The following KCNH7 variants were observed in gnomAD, a reference collection of about 807,000 sequenced individuals.
KCNH7 encodes the protein voltage-gated inwardly rectifying potassium channel KCNH7.
In KCNH7, 49 loss-of-function variants were observed where a neutral mutation model predicts 120.8. The observed-to-expected ratio is 0.41, with a 90% CI of 0.32 to 0.51. The LOEUF (loss-of-function observed/expected upper bound fraction) is 0.51, where lower values mean the gene tolerates loss of function less well. KCNH7 is among the 20% of genes least tolerant of loss of function. The pLI is 0.38. For missense variants in KCNH7, 1,097 were observed against 1,446.6 expected (o/e 0.76, Z 3.92); for synonymous variants, 547 against 516.1 (o/e 1.06, Z -0.81).
chr2:162,629,240 G>A (rs537307790), intron 2 of KCNH7, among the ~76,000 whole-genome samples: 1 of 152,222 alleles, frequency 6.6e-6, no homozygotes, highest in South Asian at 2.1e-4. Flanking sequence ...TGGCATAGCA[G>A]ACTATGATTG....
At chr2:162,630,089 T>C (rs1046919295) in intron 2 of KCNH7, among the ~76,000 whole-genome samples, 1 of 152,006 alleles carries the variant, frequency 6.6e-6, no homozygotes, top group Non-Finnish European at 1.5e-5. Flanking sequence ...TCCATGGAAT[T>C]AAGGCAATCA....
chr2:162,377,980 A>G (rs988594239), intron 14 of KCNH7, among the ~76,000 whole-genome samples: 23 of 152,184 alleles, frequency 1.5e-4, no homozygotes, highest in Admixed American at 4.6e-4. Context: ...GCAATCATTG[A>G]CTTATCCTAG....
At chr2:162,648,599 T>A (rs975787099) in intron 2 of KCNH7, among the ~76,000 whole-genome samples, 3 of 152,212 alleles carry the variant, frequency 2.0e-5, no homozygotes, top group African/African-American at 7.2e-5. Flanking sequence ...CTTTTGCTTA[T>A]GCTTTTTCTC....
At chr2:162,762,021 CA>C (rs1283411393) in intron 2 of KCNH7, among the ~76,000 whole-genome samples, 1 of 152,074 alleles carries the variant, frequency 6.6e-6, no homozygotes, top group East Asian at 1.9e-4. Flanking sequence ...CAAGAATGGG[CA>C]GAGGAATTGA....
At chr2:162,596,642 G>C (rs1176068139) in intron 2 of KCNH7, among the ~76,000 whole-genome samples, 1 of 151,940 alleles carries the variant, frequency 6.6e-6, no homozygotes, top group African/African-American at 2.4e-5. Flanking sequence ...ACTTTGATCT[G>C]ATCAATAATC....
At chr2:162,736,259 A>T (rs1294254293) in intron 2 of KCNH7, among the ~76,000 whole-genome samples, 2 of 152,214 alleles carry the variant, frequency 1.3e-5, no homozygotes, top group Non-Finnish European at 2.9e-5. Context: ...ATAGAATGGA[A>T]TCCCATAACC....
intron 6 of KCNH7, among the ~76,000 whole-genome samples, chr2:162,480,018 C>T (rs184961901): frequency 6.6e-6 from 1 of 152,058 alleles, no homozygotes; most frequent in Non-Finnish European, 1.5e-5. Context: ...AGAAGAACAT[C>T]ATTTCTTAAG....
intron 2 of KCNH7, among the ~76,000 whole-genome samples, chr2:162,585,780 T>A (rs549602113): frequency 2.0e-5 from 3 of 152,106 alleles, no homozygotes; most frequent in African/African-American, 7.2e-5. Flanking sequence ...CACTATTAGA[T>A]TAATATTAAG....
chr2:162,775,654 C>T (rs558637956), intron 2 of KCNH7, among the ~76,000 whole-genome samples: 41 of 152,276 alleles, frequency 2.7e-4, no homozygotes, highest in African/African-American at 9.9e-4. Flanking sequence ...ACTTTTTAGG[C>T]ATTCATTTGC....
chr2:162,795,172 T>C (rs185539677), intron 2 of KCNH7, among the ~76,000 whole-genome samples: 5 of 152,206 alleles, frequency 3.3e-5, no homozygotes, highest in Admixed American at 1.3e-4. Flanking sequence ...GTATTGTCAA[T>C]GATTTAATGT....
At chr2:162,738,893 T>G (rs1004909451) in intron 2 of KCNH7, among the ~76,000 whole-genome samples, 1 of 152,160 alleles carries the variant, frequency 6.6e-6, no homozygotes, top group Non-Finnish European at 1.5e-5. Flanking sequence ...CAGTTTATGT[T>G]TTTTATAGGC....
chr2:162,602,391 A>T (rs1694588648), intron 2 of KCNH7, among the ~76,000 whole-genome samples: 1 of 152,104 alleles, frequency 6.6e-6, no homozygotes, highest in South Asian at 2.1e-4. Context: ...AGATCTGAGG[A>T]AGGTGCTAAA....
chr2:162,732,449 T>C (rs1351268686), intron 2 of KCNH7, among the ~76,000 whole-genome samples: 2 of 152,150 alleles, frequency 1.3e-5, no homozygotes, highest in African/African-American at 2.4e-5. Flanking sequence ...TATATTCATA[T>C]GGATAAGGAG....
At chr2:162,490,096 A>C (rs1295602729) in intron 6 of KCNH7, among the ~76,000 whole-genome samples, 3 of 152,242 alleles carry the variant, frequency 2.0e-5, no homozygotes. Flanking sequence ...TGCTTTAGGC[A>C]GACAGTAAGG....
intron 2 of KCNH7, among the ~76,000 whole-genome samples, chr2:162,610,354 C>T (rs974307644): frequency 6.6e-6 from 1 of 152,042 alleles, no homozygotes; most frequent in Non-Finnish European, 1.5e-5. Flanking sequence ...CTAGGTATAG[C>T]TTTCCACACC....
intron 6 of KCNH7, among the ~76,000 whole-genome samples, chr2:162,470,557 C>T (rs1394931763): frequency 6.6e-6 from 1 of 152,064 alleles, no homozygotes; most frequent in East Asian, 1.9e-4. Flanking sequence ...CCGGCAGCCA[C>T]CCCGTCCGGG....
intron 6 of KCNH7, among the ~76,000 whole-genome samples, chr2:162,447,122 A>C (rs1688605712): frequency 6.6e-6 from 1 of 152,116 alleles, no homozygotes; most frequent in Non-Finnish European, 1.5e-5. Flanking sequence ...TGCAAAAAGA[A>C]AATGCTACAA....
Position 162,838,529 on chromosome 2 carries a change from G to A in KCNH7, c.-11C>T. On this transcript the variant is annotated 5_prime_UTR_variant, in exon 1 of 16. Transcript: ENST00000332142. ...CCTGCGCACAGGCATGTTGGCCCCG[G>A]TCTTCCGAGGAGCGCTCCCCCGGAG... is the stretch of plus-strand genomic sequence containing the variant. 6.2e-7 allele frequency: 1 copy of A among 1,609,196 alleles called. No homozygotes were observed. The highest frequency in any genetic ancestry group is 8.5e-7 in the Non-Finnish European group (1 of 1,177,728).
intron 2 of KCNH7, among the ~76,000 whole-genome samples, chr2:162,625,298 A>G (rs1683512770): frequency 6.6e-6 from 1 of 151,798 alleles, no homozygotes; most frequent in Non-Finnish European, 1.5e-5. Flanking sequence ...TGGGGCTTCT[A>G]CTTTTTAATC....
Sources: gnomAD v4.1 joint callset for allele counts (sites outside exome capture counted in the v4.1 genomes callset) on GRCh38, gnomAD v4.1.1 for gene constraint, MANE v1.5 for transcripts, NCBI Gene and HGNC (gene_info 2026-07-23, HGNC 2026-07-21) for gene names.